The following DNAH8 variants were observed in gnomAD, a reference collection of about 807,000 sequenced individuals.
DNAH8 encodes axonemal beta dynein heavy chain 8.
DNAH8 carries 382 observed loss-of-function variants against 562.1 expected under a neutral mutation model. The ratio of observed to expected loss-of-function variants is 0.68; its 90% CI spans 0.63 to 0.74. The LOEUF (loss-of-function observed/expected upper bound fraction) is 0.74, where lower values mean the gene tolerates loss of function less well. DNAH8 is among the 30% of genes least tolerant of loss of function. The pLI is 0.00. For synonymous variants in DNAH8, 1,881 were observed against 1,919.4 expected (o/e 0.98, Z 0.52); for missense variants, 5,203 against 5,620.4 (o/e 0.93, Z 2.37).
At chr6:38,978,268 G>T (rs1359305910) in intron 85 of DNAH8, among the ~76,000 whole-genome samples, 1 of 152,102 alleles carries the variant, frequency 6.6e-6, no homozygotes, top group Non-Finnish European at 1.5e-5. Flanking sequence ...AAATTACTTA[G>T]ATAGTAAATA....
At chr6:38,780,828 C>A (rs1249219181) in intron 15 of DNAH8, among the ~76,000 whole-genome samples, 1 of 151,982 alleles carries the variant, frequency 6.6e-6, no homozygotes, top group African/African-American at 2.4e-5. Context: ...AAACATGTAA[C>A]CCTGAACTTA....
rs765278298 is a variant in DNAH8, at chr6:38,882,946, A to G, written c.7895A>G (p.Tyr2632Cys). ...WEHWNKKLQPYYYPTDSIPEY... is the reference protein window; with the variant it reads ...WEHWNKKLQPCYYPTDSIPEY... ...CACTGGAATAAGAAACTTCAGCCTT[A>G]TTATTATCCAACTGACAGTATTCCG... The change falls in exon 54 of 93, where the codon TAT becomes TGT. Residue 2632 changes from tyrosine to cysteine, a missense_variant. Physicochemically the swap from Tyr to Cys is radical, Grantham distance 194. Transcript: ENST00000327475. The G allele has an allele frequency of 3.2e-5, 52 of 1,603,350 alleles. No individual in the cohort carries two copies. In the East Asian group the frequency reaches 1.0e-3, roughly 31 times the overall value.
At chr6:38,835,274 T>TTAG (rs1774185207) in intron 32 of DNAH8, among the ~76,000 whole-genome samples, 1 of 151,702 alleles carries the variant, frequency 6.6e-6, no homozygotes, top group African/African-American at 2.4e-5. Context: ...AATAGTGTGA[T>TTAG]TAGTTCTTTT....
intron 84 of DNAH8, 143 bp from the exon 85 acceptor site, chr6:38,974,231 G>T: frequency 1.5e-6 from 1 of 657,882 alleles, no homozygotes; most frequent in Non-Finnish European, 2.5e-6. Flanking sequence ...ACAATTTAAT[G>T]CTAATATTCC....
chr6:38,842,675 T>A lies in DNAH8; in HGVS notation c.4617T>A (p.Leu1539=), dbSNP rs1450980384. The A allele has an allele frequency of 6.2e-7, 1 of 1,611,744 alleles. No homozygotes were observed. Among genetic ancestry groups the A allele is most frequent in the South Asian group, 1.1e-5 (1 of 90,006 alleles). ...TTCTTTCTGAAAGATGTCGTAAACTTCCAAAAGGACTTAAAGATTGGCAAG... is the reference window on the plus strand; with the variant it reads ...TTCTTTCTGAAAGATGTCGTAAACTACCAAAAGGACTTAAAGATTGGCAAG... ...LLEFQNRCRK[L]PKGLKDWQAF... Residue 1539 remains leucine, a synonymous_variant, in exon 35 of 93, where the codon CTT becomes CTA. Transcript: ENST00000327475.
At chr6:38,980,838 A>G (rs1010229545) in intron 85 of DNAH8, among the ~76,000 whole-genome samples, 2 of 152,136 alleles carry the variant, frequency 1.3e-5, no homozygotes, top group African/African-American at 4.8e-5. Context: ...GGTTTACTAA[A>G]TACTTTAAAA....
rs1365498196 is a variant in DNAH8 at position 38,938,908 on chromosome 6, T to A, written c.11927T>A (p.Leu3976Gln). The stretch of plus-strand genomic sequence containing the variant: ...GGCCTATACGAAAACCACAAATTCC[T>A]GTTTGTACTCCTCATGACCTTAAAG... ...VRGLYENHKFLFVLLMTLKID... is the reference protein window; with the variant it reads ...VRGLYENHKFQFVLLMTLKID... The change falls in exon 79 of 93, where the codon CTG (leucine) becomes CAG (glutamine). Residue 3976 changes from leucine (L) to glutamine (Q), a missense_variant. This residue lies in a region of DNAH8 where 1,399 missense variants were observed against 1,518.4 expected (regional missense o/e 0.92). Coordinates refer to ENST00000327475, the MANE Select transcript of DNAH8 (RefSeq NM_001206927.2). 6.2e-7 allele frequency: 1 copy of A among 1,613,942 alleles called. No homozygotes were observed. Among genetic ancestry groups the A allele is most frequent in the Non-Finnish European group, 8.5e-7 (1 of 1,179,858 alleles).
At chr6:38,777,353 A>G (rs12196388) in intron 13 of DNAH8, among the ~76,000 whole-genome samples, 31,477 of 152,106 alleles carry the variant, frequency 0.21, 3,627 homozygotes, top group Middle Eastern at 0.27. Flanking sequence ...ACTTAGATTC[A>G]AATTTTAGCT....
At chr6:38,865,635 A>C (rs565455072) in intron 45 of DNAH8, among the ~76,000 whole-genome samples, 12 of 152,338 alleles carry the variant, frequency 7.9e-5, no homozygotes, top group African/African-American at 2.9e-4. Context: ...TCTCTTCAAA[A>C]AAACATCAAG....
intron 77 of DNAH8, among the ~76,000 whole-genome samples, chr6:38,937,627 A>G (rs1783080058): frequency 6.6e-6 from 1 of 152,142 alleles, no homozygotes; most frequent in South Asian, 2.1e-4. Context: ...CCAAGATGAC[A>G]GTGGGTGTGA....
In DNAH8 at chr6:38,882,911, T is replaced by G; in HGVS notation, c.7860T>G (p.Gly2620=). The G allele has an allele frequency of 1.9e-6, 3 of 1,568,250 alleles. No individual in the cohort carries two copies. In the South Asian group the frequency reaches 3.7e-5, roughly 20 times the overall value. The stretch of plus-strand genomic sequence containing the variant: ...GATGAAATTTTACTTATTATATAGG[T>G]GATTGGGAGCACTGGAATAAGAAAC... ...TMYEFYVTDY[G]DWEHWNKKLQ... The change falls in exon 54 of 93, where the codon GGT becomes GGG. Residue 2620 remains glycine (G), a splice_region_variant and synonymous_variant. Coordinates refer to ENST00000327475, the MANE Select transcript of DNAH8 (RefSeq NM_001206927.2).
rs760707554 is a variant in DNAH8 at position 38,872,793 on chromosome 6, ACCT to A, written c.7237+15_7237+17del. Reference sequence around the variant, plus strand: ...TAAAAGCTAAAAAAGGTATACACAAACCTCCTTTGTGATCATTTTTTCCCTGCT... The same window carrying A: ...TAAAAGCTAAAAAAGGTATACACAAACCTTTGTGATCATTTTTTCCCTGCT... On this transcript the variant is annotated intron_variant, in intron 50 of 92. Coordinates refer to ENST00000327475, the MANE Select transcript of DNAH8 (RefSeq NM_001206927.2). The A allele has an allele frequency of 9.5e-5, 154 of 1,613,040 alleles. No homozygotes were observed. The highest frequency in any genetic ancestry group is 1.6e-4 in the Middle Eastern group (1 of 6,082).
rs775771045 is a variant in DNAH8, at chr6:38,853,395, A to AG, written c.5733+52dup. On this transcript the variant is annotated intron_variant, in intron 41 of 92. Transcript: ENST00000327475. ...TAATGGTGAAAAGAAATGGAAATAA[A>AG]GGGGAAGGATGCTTAGCAGGTGGTT... 4.4e-6 allele frequency: 7 copies of AG among 1,590,836 alleles called. No individual in the cohort carries two copies. In the African/African-American group the frequency reaches 9.5e-5, roughly 22 times the overall value.
intron 89 of DNAH8, 64 bp downstream of exon 89, chr6:39,009,034 T>C (rs1766001479): frequency 2.4e-6 from 3 of 1,244,592 alleles, no homozygotes; most frequent in Non-Finnish European, 3.4e-6. Flanking sequence ...GTAAGTTTGA[T>C]TACCTTGAAA....
chr6:38,821,241 A>G (rs891786867), intron 26 of DNAH8, among the ~76,000 whole-genome samples: 3 of 152,224 alleles, frequency 2.0e-5, no homozygotes, highest in African/African-American at 7.2e-5. Flanking sequence ...AAACAATTTA[A>G]TGCACAAAAG....
intron 8 of DNAH8, among the ~76,000 whole-genome samples, chr6:38,748,012 A>T (rs551134578): frequency 6.6e-6 from 1 of 152,336 alleles, no homozygotes; most frequent in African/African-American, 2.4e-5. Context: ...GCATGAATGC[A>T]CCACAATTTA....
At chr6:38,905,977 C>A (rs1780434595) in intron 62 of DNAH8, among the ~76,000 whole-genome samples, 1 of 152,078 alleles carries the variant, frequency 6.6e-6, no homozygotes. Context: ...ATGATCTCGG[C>A]TCACTGCAAC....
At chr6:38,719,340 G>A (rs1258028680) in intron 1 of DNAH8, among the ~76,000 whole-genome samples, 3 of 152,152 alleles carry the variant, frequency 2.0e-5, no homozygotes, top group Non-Finnish European at 2.9e-5. Context: ...CCCAGATAGT[G>A]AGCATAGTAC....
chr6:38,725,568 T>G (rs1327937326), intron 3 of DNAH8, among the ~76,000 whole-genome samples: 1 of 152,080 alleles, frequency 6.6e-6, no homozygotes, highest in Non-Finnish European at 1.5e-5. Context: ...GTATAGAGAA[T>G]GCATGGAGAT....
Sources: gnomAD v4.1 joint callset for allele counts (sites outside exome capture counted in the v4.1 genomes callset) on GRCh38, gnomAD v4.1.1 for gene constraint, gnomAD v4.1.1 regional missense constraint, MANE v1.5 for transcripts, NCBI Gene and HGNC (gene_info 2026-07-23, HGNC 2026-07-21) for gene names.